PDSS2: variants seen among roughly 807,000 people sequenced by gnomAD.
The protein encoded by PDSS2 is decaprenyl diphosphate synthase subunit 2.
Under a neutral mutation model 44.5 loss-of-function variants are expected in PDSS2, and 31 were observed. The observed-to-expected ratio is 0.70, with a 90% CI of 0.52 to 0.94. The LOEUF (loss-of-function observed/expected upper bound fraction) is 0.94, where lower values mean the gene tolerates loss of function less well. Ranked by LOEUF, PDSS2 falls within the 40% of genes least tolerant of loss-of-function variation. The pLI is 0.00. For missense variants in PDSS2, 452 were observed against 482.2 expected, an observed-to-expected ratio of 0.94 and a Z score of 0.59; for synonymous variants, 157 against 180.3, an observed-to-expected ratio of 0.87 and a Z score of 1.03.
At chr6:107,228,686 C>G (rs1471330743) in intron 4 of PDSS2, among the ~76,000 whole-genome samples, 1 of 147,188 alleles carries the variant, frequency 6.8e-6, no homozygotes, top group African/African-American at 2.6e-5. Flanking sequence ...CAGAGGGAGA[C>G]TCTATCTCAA....
At chr6:107,166,126 C>CGGA (rs1554247475) in intron 7 of PDSS2, among the ~76,000 whole-genome samples, 5 of 152,030 alleles carry the variant, frequency 3.3e-5, no homozygotes, top group Non-Finnish European at 5.9e-5. Context: ...GACAATTTGA[C>CGGA]TTCCTCTTTT....
chr6:107,373,528 T>C lies in PDSS2; in HGVS notation c.297-39196A>G, dbSNP rs139924786. Among the ~76,000 whole-genome samples, 21 of 152,354 alleles carry C rather than the reference T, an allele frequency of 1.4e-4. No individual in the cohort carries two copies. The East Asian group carries it at 3.7e-3, about 27-fold the overall frequency. On this transcript the variant is annotated intron_variant, in intron 1 of 7. Transcript: ENST00000369037. ...AGAGACAGACTGTAGTCTTATCTTG[T>C]TCTCCACTGTTGCTTGTATTCTCAC...
intron 3 of PDSS2, among the ~76,000 whole-genome samples, chr6:107,254,634 G>A (rs1774944815): frequency 6.6e-6 from 1 of 152,132 alleles, no homozygotes; most frequent in African/African-American, 2.4e-5. Flanking sequence ...TAGCGACACT[G>A]CCGCATGTTG....
At chr6:107,457,791 C>G (rs1173344146) in intron 1 of PDSS2, among the ~76,000 whole-genome samples, 3 of 151,928 alleles carry the variant, frequency 2.0e-5, no homozygotes, top group African/African-American at 7.3e-5. Context: ...CATTATTAGG[C>G]CAATTAACAA....
intron 4 of PDSS2, among the ~76,000 whole-genome samples, chr6:107,219,561 A>G (rs866319149): frequency 7.9e-5 from 12 of 152,240 alleles, no homozygotes; most frequent in South Asian, 2.1e-4. Context: ...TGCTGGGATT[A>G]TAGGCATGAG....
At chr6:107,225,585 T>C (rs1235438797) in intron 4 of PDSS2, among the ~76,000 whole-genome samples, 4 of 152,110 alleles carry the variant, frequency 2.6e-5, no homozygotes, top group Non-Finnish European at 5.9e-5. Flanking sequence ...GTGGGGCTAA[T>C]TGGGGGTGAT....
At chr6:107,179,158 A>T (rs1771889239) in intron 7 of PDSS2, among the ~76,000 whole-genome samples, 1 of 152,236 alleles carries the variant, frequency 6.6e-6, no homozygotes, top group Non-Finnish European at 1.5e-5. Flanking sequence ...TTAAAGATAC[A>T]GGTTAGCATA....
intron 1 of PDSS2, among the ~76,000 whole-genome samples, chr6:107,450,985 C>A (rs995281231): frequency 6.6e-6 from 1 of 152,148 alleles, no homozygotes; most frequent in African/African-American, 2.4e-5. Context: ...TGTGCACCAC[C>A]ACACCCAACT....
chr6:107,197,849 G>C, intron 6 of PDSS2: 1 of 470,924 alleles, frequency 2.1e-6, no homozygotes, highest in Non-Finnish European at 4.4e-6. Flanking sequence ...TAAGAGTGTT[G>C]AAAGTAGCAT....
intron 2 of PDSS2, 57 bp from the exon 3 acceptor site, chr6:107,274,284 G>A: frequency 7.5e-7 from 1 of 1,338,696 alleles, no homozygotes. Flanking sequence ...TATCACTAAT[G>A]TCTGATTTCA....
At chr6:107,192,497 C>A in intron 7 of PDSS2, 1 of 389,934 alleles carries the variant, frequency 2.6e-6, no homozygotes, top group Non-Finnish European at 5.1e-6. Flanking sequence ...AAGTTATTTG[C>A]TGCTCCTAGT....
At chr6:107,421,064 G>A (rs1025909664) in intron 1 of PDSS2, among the ~76,000 whole-genome samples, 8 of 152,204 alleles carry the variant, frequency 5.3e-5, no homozygotes, top group Non-Finnish European at 1.2e-4. Context: ...CAATGAGGAT[G>A]TAAGTATGGC....
At chr6:107,316,350 TATA>T (rs1209787270) in intron 2 of PDSS2, among the ~76,000 whole-genome samples, 12 of 152,186 alleles carry the variant, frequency 7.9e-5, no homozygotes, top group African/African-American at 1.2e-4. Context: ...ATCTGTAAAA[TATA>T]ATAAACTTTT....
At chr6:107,223,204 T>G (rs2114690784) in intron 4 of PDSS2, among the ~76,000 whole-genome samples, 1 of 150,996 alleles carries the variant, frequency 6.6e-6, no homozygotes, top group Middle Eastern at 3.4e-3. Context: ...GCTAGGATTA[T>G]AGGTGTGAAC....
intron 1 of PDSS2, among the ~76,000 whole-genome samples, chr6:107,406,926 G>A (rs1261278690): frequency 6.6e-6 from 1 of 152,200 alleles, no homozygotes; most frequent in Non-Finnish European, 1.5e-5. Context: ...ATCTCCAGGG[G>A]AGATTAGAAA....
At chr6:107,368,951 TA>T (rs1779046749) in intron 1 of PDSS2, among the ~76,000 whole-genome samples, 1 of 152,194 alleles carries the variant, frequency 6.6e-6, no homozygotes, top group Non-Finnish European at 1.5e-5. Flanking sequence ...AGTAGTGTAG[TA>T]TTGGTATAAT....
chr6:107,363,515 T>C (rs944893350), intron 1 of PDSS2, among the ~76,000 whole-genome samples: 1 of 152,150 alleles, frequency 6.6e-6, no homozygotes, highest in Non-Finnish European at 1.5e-5. Context: ...GGTGGGCTCG[T>C]GGTCTCGCTG....
intron 1 of PDSS2, among the ~76,000 whole-genome samples, chr6:107,404,546 C>T (rs562845947): frequency 1.2e-4 from 18 of 152,290 alleles, no homozygotes; most frequent in Non-Finnish European, 2.2e-4. Context: ...CTGGGAAGGA[C>T]TCACAATCAC....
At chr6:107,366,145 A>T (rs1176842574) in intron 1 of PDSS2, among the ~76,000 whole-genome samples, 1 of 152,156 alleles carries the variant, frequency 6.6e-6, no homozygotes, top group Non-Finnish European at 1.5e-5. Context: ...CCAGAAAACA[A>T]GTCTAATACA....
Sources: gnomAD v4.1 joint callset for allele counts (sites outside exome capture counted in the v4.1 genomes callset) on GRCh38, gnomAD v4.1.1 for gene constraint, MANE v1.5 for transcripts, NCBI Gene and HGNC (gene_info 2026-07-23, HGNC 2026-07-21) for gene names.